GARIN5B: variants seen among roughly 807,000 people sequenced by gnomAD.
The protein encoded by GARIN5B is golgi associated RAB2 interactor family member 5B, also known as Golgi-associated RAB2 interactor protein 5B.
At chr19:55,363,205 A>G in the GARIN5B span, 2 of 902,244 alleles carry the variant, frequency 2.2e-6, no homozygotes, top group Non-Finnish European at 3.1e-6. This position sits in a 1 kb window ranked among gnomAD's most constrained non-coding sequence, Gnocchi z 4.0. Flanking sequence ...GAGATGCCCC[A>G]GGCTGGGAGA....
At chr19:55,356,752 A>G in the GARIN5B span, among the ~76,000 whole-genome samples, 1 of 152,044 alleles carries the variant, frequency 6.6e-6, no homozygotes, top group Non-Finnish European at 1.5e-5. Context: ...ATCACCCACA[A>G]AGAAACCTCC....
chr19:55,355,805 G>C, the GARIN5B span, among the ~76,000 whole-genome samples: 1 of 152,084 alleles, frequency 6.6e-6, no homozygotes, highest in African/African-American at 2.4e-5. Context: ...GGACAACATG[G>C]TGAAACCCCA....
chr19:55,359,277 G>A, the GARIN5B span: 2 of 1,547,098 alleles, frequency 1.3e-6, no homozygotes, highest in Non-Finnish European at 8.7e-7. Flanking sequence ...GCAGGGAGGA[G>A]TAGAGATTTC....
At chr19:55,359,447 GCT>G in the GARIN5B span, 2 of 1,546,020 alleles carry the variant, frequency 1.3e-6, no homozygotes, top group Non-Finnish European at 1.7e-6. Context: ...AGCAGGTATG[GCT>G]GGGGCCTTCT....
At chr19:55,361,322 C>T in the GARIN5B span, 1 of 1,540,806 alleles carries the variant, frequency 6.5e-7, no homozygotes, top group South Asian at 1.2e-5. Flanking sequence ...AGGGCCCCAC[C>T]AAGGAAGGGG....
the GARIN5B span, chr19:55,362,755 G>C: frequency 2.6e-6 from 4 of 1,517,364 alleles, no homozygotes; most frequent in Non-Finnish European, 3.5e-6. Flanking sequence ...GGGAGAGGGG[G>C]CTGGGACCAC....
the GARIN5B span, chr19:55,359,781 C>G: frequency 6.4e-7 from 1 of 1,551,326 alleles, no homozygotes; most frequent in Non-Finnish European, 8.7e-7. Flanking sequence ...GGATAGGGAG[C>G]CAGACCGGAG....
At chr19:55,359,854 G>C in the GARIN5B span, 1 of 1,551,518 alleles carries the variant, frequency 6.4e-7, no homozygotes, top group Non-Finnish European at 8.7e-7. Flanking sequence ...GATGCCACAG[G>C]CACGGGTCCA....
At chr19:55,361,144 CCTTG>C in the GARIN5B span, 1 of 1,551,258 alleles carries the variant, frequency 6.4e-7, no homozygotes, top group East Asian at 2.4e-5. Context: ...AGGGGCAGCC[CCTTG>C]GGCCCACACC....
At chr19:55,359,404 A>G in the GARIN5B span, 1 of 1,546,406 alleles carries the variant, frequency 6.5e-7, no homozygotes. Context: ...CCTTTCGGGG[A>G]GAAGCTGACG....
At chr19:55,360,780 G>C in the GARIN5B span, 302 of 1,551,682 alleles carry the variant, frequency 1.9e-4, 1 homozygote, top group Middle Eastern at 3.0e-3. Flanking sequence ...CTGGATGGGG[G>C]AGCCGTCTGA....
chr19:55,358,231 C>T, the GARIN5B span: 3 of 1,550,724 alleles, frequency 1.9e-6, no homozygotes, highest in Non-Finnish European at 2.6e-6. Context: ...GTTCTAAGAG[C>T]ATGGGCAAAA....
At chr19:55,359,424 C>A in the GARIN5B span, 1,744 of 1,550,052 alleles carry the variant, frequency 1.1e-3, 15 homozygotes, top group African/African-American at 0.021. Context: ...GCAGCTGAGG[C>A]CTTCCGGGAT....
At chr19:55,362,629 A>G in the GARIN5B span, 1 of 1,547,664 alleles carries the variant, frequency 6.5e-7, no homozygotes, top group Non-Finnish European at 8.7e-7. Context: ...CTGGCCGATC[A>G]GCAAGATGTC....
the GARIN5B span, among the ~76,000 whole-genome samples, chr19:55,362,082 T>C: frequency 2.1e-5 from 3 of 140,484 alleles, no homozygotes; most frequent in Non-Finnish European, 4.6e-5. Context: ...CCCCAGCATC[T>C]CCTCCCTCGA....
chr19:55,359,496 G>A, the GARIN5B span: 4 of 1,548,454 alleles, frequency 2.6e-6, no homozygotes, highest in Non-Finnish European at 8.7e-7. Flanking sequence ...TTCTGGGATG[G>A]AGCAGGTACA....
the GARIN5B span, chr19:55,358,461 TG>T: frequency 6.5e-7 from 1 of 1,526,758 alleles, no homozygotes. Context: ...CTGGCAGAGG[TG>T]GGCTTGGAGC....
chr19:55,358,890 CA>C, the GARIN5B span: 1 of 1,550,260 alleles, frequency 6.5e-7, no homozygotes, highest in Non-Finnish European at 8.7e-7. Flanking sequence ...GATCTCACGC[CA>C]GGCAGGTCCG....
the GARIN5B span, among the ~76,000 whole-genome samples, chr19:55,362,091 G>T: frequency 0.027 from 4,080 of 148,816 alleles, 209 homozygotes; most frequent in African/African-American, 0.094. Flanking sequence ...CTCCTCCCTC[G>T]ACTCAGGGGT....
Sources: gnomAD v4.1 joint callset for allele counts (sites outside exome capture counted in the v4.1 genomes callset) on GRCh38, gnomAD v4.1.1 for gene constraint, Gnocchi (gnomAD v3.1) non-coding constraint, MANE v1.5 for transcripts, NCBI Gene and HGNC (gene_info 2026-07-23, HGNC 2026-07-21) for gene names.